Variants in ZNF626 observed in about 807,000 individuals in gnomAD.
The protein encoded by ZNF626 is CTC-513N18.7.
Under a neutral mutation model 11.7 loss-of-function variants are expected in ZNF626, and 4 were observed. That is an observed-to-expected ratio of 0.34 (90% CI 0.17 to 0.78). ZNF626 has a LOEUF of 0.78. Among genes scored for constraint, ZNF626 ranks in the 30% least tolerant of loss-of-function variants. The pLI, the probability that ZNF626 is intolerant of heterozygous loss-of-function variation, is 0.57. For synonymous variants in ZNF626, 179 were observed against 198.6 expected (o/e 0.90, Z 0.83); for missense variants, 588 against 587.1 (o/e 1.00, Z -0.01).
At chr19:20,631,069 T>G (rs1346358383) in intron 3 of ZNF626, among the ~76,000 whole-genome samples, 2 of 152,176 alleles carry the variant, frequency 1.3e-5, no homozygotes, top group Non-Finnish European at 2.9e-5. Flanking sequence ...TCAGTTTCCA[T>G]GTAGTTGAGT....
intron 3 of ZNF626, among the ~76,000 whole-genome samples, chr19:20,629,094 G>C (rs1421487137): frequency 3.9e-5 from 6 of 152,180 alleles, no homozygotes; most frequent in African/African-American, 7.2e-5. Context: ...GATAGTTGTA[G>C]GTAAGCGGCA....
At chr19:20,648,395 G>A (rs1195414685) in intron 1 of ZNF626, among the ~76,000 whole-genome samples, 1 of 136,150 alleles carries the variant, frequency 7.3e-6, no homozygotes, top group Non-Finnish European at 1.5e-5. Context: ...TTTTTTTTCT[G>A]AGATGGAGTC....
At position 20,645,614 on chromosome 19, in the gene ZNF626, C is replaced by T. The variant is rs904172767; in HGVS notation, c.226+70G>A. The T allele has an allele frequency of 1.5e-5, 24 of 1,569,284 alleles. No homozygotes were observed. In the African/African-American group the frequency reaches 2.9e-4, roughly 19 times the overall value. The stretch of plus-strand genomic sequence containing the variant: ...AGCTCCCCAAATCACACTTTAAGGA[C>T]TGGCTTTCTCTTTGACCTTGGGACC... On this transcript the variant is annotated intron_variant, in intron 3 of 3. Coordinates refer to ENST00000601440, the MANE Select transcript of ZNF626 (RefSeq NM_001076675.3).
intron 1 of ZNF626, among the ~76,000 whole-genome samples, chr19:20,652,179 A>C (rs1330486377): frequency 6.6e-6 from 1 of 152,120 alleles, no homozygotes; most frequent in African/African-American, 2.4e-5. Flanking sequence ...TTATCTGCAG[A>C]TTCTAGGTAG....
chr19:20,630,348 G>A (rs1488337377), intron 3 of ZNF626, among the ~76,000 whole-genome samples: 5 of 152,178 alleles, frequency 3.3e-5, no homozygotes, highest in African/African-American at 1.2e-4. Flanking sequence ...AGTTTCAGAA[G>A]GAATGGTACC....
At chr19:20,646,226 A>T in intron 2 of ZNF626, 53 bp downstream of exon 2, 1 of 1,492,448 alleles carries the variant, frequency 6.7e-7, no homozygotes, top group Non-Finnish European at 8.9e-7. Flanking sequence ...CATTCTACAA[A>T]AAATAAATAA....
intron 3 of ZNF626, among the ~76,000 whole-genome samples, chr19:20,631,785 TA>T (rs1969908893): frequency 6.6e-6 from 1 of 151,566 alleles, no homozygotes; most frequent in African/African-American, 2.4e-5. Flanking sequence ...TTAGCCCATT[TA>T]CATTTAAAGT....
At chr19:20,649,491 A>T (rs1970122230) in intron 1 of ZNF626, among the ~76,000 whole-genome samples, 1 of 152,110 alleles carries the variant, frequency 6.6e-6, no homozygotes, top group Non-Finnish European at 1.5e-5. Flanking sequence ...GCAAAGGTGG[A>T]ACTTAACTCT....
chr19:20,660,168 G>A (rs1438036760), intron 1 of ZNF626, among the ~76,000 whole-genome samples: 5 of 149,404 alleles, frequency 3.3e-5, no homozygotes, highest in Non-Finnish European at 7.4e-5. Flanking sequence ...GCTGAGGTAG[G>A]AGAATCGCTT....
At chr19:20,634,903 A>G (rs1436609858) in intron 3 of ZNF626, among the ~76,000 whole-genome samples, 1 of 152,262 alleles carries the variant, frequency 6.6e-6, no homozygotes, top group Non-Finnish European at 1.5e-5. Context: ...TGAGTATAAA[A>G]GTGAAAAAGT....
Position 20,645,534 on chromosome 19 carries a change from C to T in ZNF626, c.226+150G>A, listed in dbSNP as rs1048435598. 2.6e-6 allele frequency: 4 copies of T among 1,545,738 alleles called. No homozygotes were observed. In the African/African-American group the frequency reaches 4.2e-5, roughly 16 times the overall value. On this transcript the variant is annotated intron_variant, in intron 3 of 3. Transcript: ENST00000601440. ...TAAGCAAAATTAAAAAAGAAAAAAC[C>T]AAACAAACAAACAAACAAAAAATAG...
At chr19:20,643,970 G>C (rs1346117755) in intron 3 of ZNF626, among the ~76,000 whole-genome samples, 1 of 152,164 alleles carries the variant, frequency 6.6e-6, no homozygotes, top group Non-Finnish European at 1.5e-5. Flanking sequence ...TACAGACCAG[G>C]ATAGGGTTCA....
chr19:20,626,454 C>T (rs1555769717), intron 3 of ZNF626, among the ~76,000 whole-genome samples: 2 of 152,178 alleles, frequency 1.3e-5, no homozygotes, highest in African/African-American at 4.8e-5. Flanking sequence ...CTTAGTGGCT[C>T]ATTCCTGGAA....
At chr19:20,627,883 C>G (rs1969857740) in intron 3 of ZNF626, among the ~76,000 whole-genome samples, 1 of 152,172 alleles carries the variant, frequency 6.6e-6, no homozygotes, top group East Asian at 1.9e-4. Context: ...CACCCATTAA[C>G]TCGTCATTTA....
Position 20,619,941 on chromosome 19 carries a change from A to G in ZNF626, c.*4349T>C, listed in dbSNP as rs1273214456. The G allele has an allele frequency of 2.0e-5, 3 of 152,376 alleles. No homozygotes were observed. The highest frequency in any genetic ancestry group is 2.9e-5 in the Non-Finnish European group (2 of 68,040). The allele number at this position is 152,376 out of a possible 1,614,324, so 9.4% of individuals were successfully genotyped here. On this transcript the variant is annotated 3_prime_UTR_variant, in exon 4 of 4. Coordinates refer to ENST00000601440, the MANE Select transcript of ZNF626 (RefSeq NM_001076675.3). Reference sequence around the variant, plus strand: ...TAAACAAAAATGTCATCTGCAAATAATAACTACTTTCCAGTTTTATTCATT... The same window carrying G: ...TAAACAAAAATGTCATCTGCAAATAGTAACTACTTTCCAGTTTTATTCATT...
chr19:20,643,734 C>T (rs1970046950), intron 3 of ZNF626, among the ~76,000 whole-genome samples: 2 of 152,160 alleles, frequency 1.3e-5, no homozygotes, highest in South Asian at 4.1e-4. Flanking sequence ...TCTGTAATGA[C>T]AGCTACATGG....
chr19:20,647,294 CAT>C (rs1269535911), intron 1 of ZNF626, among the ~76,000 whole-genome samples: 29 of 151,394 alleles, frequency 1.9e-4, no homozygotes, highest in Middle Eastern at 3.4e-3. Context: ...ACCAAAGAAA[CAT>C]GTGTAGAAAA....
chr19:20,648,447 G>A (rs1156419292), intron 1 of ZNF626, among the ~76,000 whole-genome samples: 2 of 150,726 alleles, frequency 1.3e-5, no homozygotes, highest in African/African-American at 4.9e-5. Flanking sequence ...CGCAATCTCG[G>A]CTCACTGCAA....
intron 3 of ZNF626, among the ~76,000 whole-genome samples, chr19:20,632,275 C>G (rs10415236): frequency 0.45 from 68,314 of 151,808 alleles, 16,634 homozygotes; most frequent in African/African-American, 0.64. Context: ...TCTTGGAATT[C>G]CTCTTCTCGA....
Sources: gnomAD v4.1 joint callset for allele counts (sites outside exome capture counted in the v4.1 genomes callset) on GRCh38, gnomAD v4.1.1 for gene constraint, MANE v1.5 for transcripts, NCBI Gene and HGNC (gene_info 2026-07-23, HGNC 2026-07-21) for gene names.